Variants in RBM6 observed in about 807,000 individuals in gnomAD.
RBM6 encodes RNA-binding protein 6.
A neutral mutation model predicts 140.4 loss-of-function variants in RBM6; 23 were observed. The observed-to-expected ratio is 0.16, with a 90% CI of 0.12 to 0.23. The LOEUF is 0.23. Ranked by LOEUF, RBM6 falls within the 10% of genes least tolerant of loss-of-function variation. The pLI is 1.00. For synonymous variants in RBM6, 439 were observed against 475.6 expected (o/e 0.92, Z 1.00); for missense variants, 1,139 against 1,386.7 (o/e 0.82, Z 2.84).
chr3:49,975,245 A>G, intron 4 of RBM6, 78 bp from the exon 5 acceptor site: 2 of 1,267,410 alleles, frequency 1.6e-6, no homozygotes, highest in Non-Finnish European at 2.3e-6. Flanking sequence ...TATGTATGAT[A>G]AAAACTGTTA....
chr3:50,040,226 C>T (rs1211655658), intron 6 of RBM6, among the ~76,000 whole-genome samples: 2 of 151,890 alleles, frequency 1.3e-5, no homozygotes, highest in East Asian at 1.9e-4. Context: ...GTGGGCAGCT[C>T]ACGAGGTCAG....
At chr3:50,043,530 A>G (rs538496143) in intron 6 of RBM6, among the ~76,000 whole-genome samples, 16 of 151,438 alleles carry the variant, frequency 1.1e-4, no homozygotes, top group African/African-American at 3.9e-4. Context: ...TTTTATATAC[A>G]TATACATATA....
chr3:50,043,756 G>A (rs2089064785), intron 6 of RBM6, among the ~76,000 whole-genome samples: 1 of 151,552 alleles, frequency 6.6e-6, no homozygotes, highest in African/African-American at 2.4e-5. Flanking sequence ...GCTCACTTTT[G>A]TATTTTTAGT....
At chr3:49,956,495 G>A (rs2083996304) in intron 1 of RBM6, among the ~76,000 whole-genome samples, 1 of 151,046 alleles carries the variant, frequency 6.6e-6, no homozygotes, top group African/African-American at 2.4e-5. Flanking sequence ...ACCATGCCTG[G>A]CTAATTTTGT....
rs373089285 is a variant in RBM6, at chr3:49,982,311, T to G, written c.1483+6919T>G. 1.2e-4 allele frequency among the ~76,000 whole-genome samples: 18 copies of G among 149,664 alleles called. No homozygotes were observed. The East Asian group carries it at 2.3e-3, about 19-fold the overall frequency. ...TTTTTGGTAGAAACAAGGTCTTGCT[T>G]TGTTGCCCAGGCTGCCCTTGACCTC... On this transcript the variant is annotated intron_variant, in intron 5 of 20. Coordinates refer to ENST00000266022, the MANE Select transcript of RBM6 (RefSeq NM_005777.3).
intron 5 of RBM6, among the ~76,000 whole-genome samples, chr3:49,997,201 C>T (rs888595284): frequency 6.6e-6 from 1 of 151,568 alleles, no homozygotes; most frequent in African/African-American, 2.4e-5. Context: ...TATAGTTAAA[C>T]CTTAAATTTC....
intron 19 of RBM6, among the ~76,000 whole-genome samples, chr3:50,072,961 TC>T (rs1047118493): frequency 6.6e-6 from 1 of 152,194 alleles, no homozygotes; most frequent in Non-Finnish European, 1.5e-5. Context: ...TCTGGATAAA[TC>T]CAGGTGTTCT....
chr3:50,038,437 A>G (rs930342456), intron 6 of RBM6, among the ~76,000 whole-genome samples: 7 of 152,194 alleles, frequency 4.6e-5, no homozygotes, highest in Non-Finnish European at 8.8e-5. Context: ...CTATTCAATG[A>G]AGCATGCCTT....
At chr3:50,046,354 C>T (rs969110826) in intron 6 of RBM6, among the ~76,000 whole-genome samples, 4 of 150,538 alleles carry the variant, frequency 2.7e-5, no homozygotes, top group African/African-American at 4.9e-5. Context: ...CCGAGGTGGG[C>T]GGATTACCTA....
intron 5 of RBM6, among the ~76,000 whole-genome samples, chr3:49,988,551 T>G (rs1258478387): frequency 6.6e-6 from 1 of 152,118 alleles, no homozygotes; most frequent in Non-Finnish European, 1.5e-5. Flanking sequence ...TTCATTTGCT[T>G]TAGAGGTAGA....
In RBM6 at chr3:49,990,924, C is replaced by T. The variant is rs1007613552; in HGVS notation, c.1484-8516C>T. Among the ~76,000 whole-genome samples the T allele has an allele frequency of 5.9e-5, 9 of 152,014 alleles. No individual in the cohort carries two copies. In the South Asian group the frequency reaches 1.0e-3, roughly 18 times the overall value. On this transcript the variant is annotated intron_variant, in intron 5 of 20. Coordinates refer to ENST00000266022, the MANE Select transcript of RBM6 (RefSeq NM_005777.3). ...TCTTGATACCAGGTAATTCTGATACCGACTACCAGAAGTTAGCTTCAGACT... is the reference window on the plus strand; with the variant it reads ...TCTTGATACCAGGTAATTCTGATACTGACTACCAGAAGTTAGCTTCAGACT...
intron 6 of RBM6, among the ~76,000 whole-genome samples, chr3:50,028,314 T>C (rs1390778650): frequency 6.6e-6 from 1 of 152,170 alleles, no homozygotes; most frequent in East Asian, 1.9e-4. Flanking sequence ...TATAGGGTAG[T>C]GGTCATCTTT....
intron 6 of RBM6, among the ~76,000 whole-genome samples, chr3:50,030,837 G>T (rs1267225331): frequency 6.6e-6 from 1 of 152,056 alleles, no homozygotes; most frequent in Non-Finnish European, 1.5e-5. Flanking sequence ...AAGGAAGGGG[G>T]ATGAAAATGG....
chr3:49,962,579 C>T lies in RBM6; in HGVS notation c.-63C>T, dbSNP rs981775101. 5 of 1,438,364 alleles carry T rather than the reference C, an allele frequency of 3.5e-6. No homozygotes were observed. In the African/African-American group the frequency reaches 4.4e-5, roughly 13 times the overall value. 89.1% of individuals were successfully genotyped at this position (1,438,364 alleles called of 1,614,324 possible). A position where few individuals can be genotyped will look rare whatever the true frequency, so the allele number is the denominator to read the frequency against. ...TTTTGTGGTTTATTTTGTACAGGTA[C>T]TGCTATAACCAGAATTTGGTAGAAA... On this transcript the variant is annotated 5_prime_UTR_variant, in exon 2 of 21. Coordinates refer to ENST00000266022, the MANE Select transcript of RBM6 (RefSeq NM_005777.3).
At chr3:50,048,625 G>C (rs1264144072) in intron 7 of RBM6, among the ~76,000 whole-genome samples, 5 of 152,098 alleles carry the variant, frequency 3.3e-5, no homozygotes, top group Admixed American at 1.3e-4. Context: ...CACCTCTCCT[G>C]GGGGTGGTCA....
At position 50,018,588 on chromosome 3, in the gene RBM6, T is replaced by TG. The variant is rs1398800975; in HGVS notation, c.1557+19075_1557+19076insG. Among the ~76,000 whole-genome samples, 275 of 127,578 alleles carry TG rather than the reference T, an allele frequency of 2.2e-3. 2 individuals are homozygous for TG. The highest frequency in any genetic ancestry group is 7.9e-3 in the African/African-American group (262 of 33,264). 83.7% of individuals were successfully genotyped at this position (127,578 alleles called of 152,430 possible). On this transcript the variant is annotated intron_variant, in intron 6 of 20. Coordinates refer to ENST00000266022, the MANE Select transcript of RBM6 (RefSeq NM_005777.3). ...ATCGTATGGTAGGAGTGTGTTTTTTTTTTTTTTTTTTTTTTTTTTTTTTGA... is the reference window on the plus strand; with the variant it reads ...ATCGTATGGTAGGAGTGTGTTTTTTTGTTTTTTTTTTTTTTTTTTTTTTTGA...
At chr3:50,052,988 T>G (rs1431199943) in intron 7 of RBM6, among the ~76,000 whole-genome samples, 23 of 2,700 alleles carry the variant, frequency 8.5e-3, no homozygotes, top group East Asian at 0.024. Flanking sequence ...TGGGCAGGGG[T>G]GTGTGTGTGT....
At chr3:49,980,288 A>C (rs1409595889) in intron 5 of RBM6, among the ~76,000 whole-genome samples, 4 of 151,838 alleles carry the variant, frequency 2.6e-5, no homozygotes, top group African/African-American at 9.7e-5. Flanking sequence ...TACAGACGTG[A>C]GCCACCATGC....
At chr3:49,941,335 C>T (rs1470790577) in intron 1 of RBM6, among the ~76,000 whole-genome samples, 4 of 152,094 alleles carry the variant, frequency 2.6e-5, no homozygotes, top group Non-Finnish European at 5.9e-5. Context: ...CCAGGTCTCT[C>T]TGGATAGTTG....
Sources: gnomAD v4.1 joint callset for allele counts (sites outside exome capture counted in the v4.1 genomes callset) on GRCh38, gnomAD v4.1.1 for gene constraint, MANE v1.5 for transcripts, NCBI Gene and HGNC (gene_info 2026-07-23, HGNC 2026-07-21) for gene names.